GPC6: variants seen among roughly 807,000 people sequenced by gnomAD.
The protein encoded by GPC6 is glypican 6, also known as glypican-6.
A neutral mutation model predicts 55.2 loss-of-function variants in GPC6; 14 were observed. The ratio of observed to expected loss-of-function variants is 0.25; its 90% CI spans 0.17 to 0.40. GPC6 has a LOEUF of 0.40. GPC6 is among the 10% of genes least tolerant of loss of function. The probability of loss-of-function intolerance (pLI) is 1.00; values close to 1 mark genes in which losing one functional copy is unlikely to be tolerated. For missense variants in GPC6, 641 were observed against 708.5 expected (o/e 0.90, Z 1.08); for synonymous variants, 278 against 259.6 (o/e 1.07, Z -0.68).
intron 3 of GPC6, among the ~76,000 whole-genome samples, chr13:93,880,773 AAG>A (rs1874916814): frequency 6.6e-6 from 1 of 152,090 alleles, no homozygotes; most frequent in African/African-American, 2.4e-5. Flanking sequence ...GCTGACTAAT[AAG>A]AGAAAAGGTG....
chr13:93,568,351 C>A (rs1876240166), intron 2 of GPC6, among the ~76,000 whole-genome samples: 1 of 152,118 alleles, frequency 6.6e-6, no homozygotes, highest in African/African-American at 2.4e-5. Context: ...CTCTCGGTCC[C>A]ACAAAACTTT....
At chr13:93,741,242 G>T (rs1166581620) in intron 2 of GPC6, among the ~76,000 whole-genome samples, 1 of 149,074 alleles carries the variant, frequency 6.7e-6, no homozygotes, top group African/African-American at 2.5e-5. Context: ...AGCCTCCCGA[G>T]TAGCTGGGAC....
At chr13:93,820,508 T>C (rs1161096162) in intron 2 of GPC6, among the ~76,000 whole-genome samples, 2 of 152,080 alleles carry the variant, frequency 1.3e-5, no homozygotes, top group Non-Finnish European at 2.9e-5. Flanking sequence ...TTCTCCTTGT[T>C]TTGTGATGAA....
rs535526266 is a variant in GPC6 at position 94,326,204 on chromosome 13, T to TGC, written c.1152+20082_1152+20083dup. On this transcript the variant is annotated intron_variant, in intron 6 of 8. Coordinates refer to ENST00000377047, the MANE Select transcript of GPC6 (RefSeq NM_005708.5). ...AGATCAGGTATTTTTGGTATGCTTG[T>TGC]GCACACACACACACACACACACACA... 1.5e-3 allele frequency among the ~76,000 whole-genome samples: 119 copies of TGC among 81,628 alleles called. No homozygotes were observed. In the South Asian group the frequency reaches 0.043, roughly 29 times the overall value. 53.6% of individuals were successfully genotyped at this position (81,628 alleles called of 152,430 possible). A position where few individuals can be genotyped will look rare whatever the true frequency, so the allele number is the denominator to read the frequency against.
At chr13:94,185,362 A>G (rs537524143) in intron 4 of GPC6, among the ~76,000 whole-genome samples, 1 of 152,176 alleles carries the variant, frequency 6.6e-6, no homozygotes, top group East Asian at 1.9e-4. Flanking sequence ...TTTAGGTATC[A>G]TCCTTTCATT....
At chr13:94,274,124 A>C (rs112155649) in intron 4 of GPC6, among the ~76,000 whole-genome samples, 13 of 152,226 alleles carry the variant, frequency 8.5e-5, no homozygotes, top group Non-Finnish European at 1.9e-4. Context: ...CATTCTCCTA[A>C]AAAGAAGCCA....
chr13:93,616,112 A>G (rs16949040), intron 2 of GPC6, among the ~76,000 whole-genome samples: 2,857 of 152,152 alleles, frequency 0.019, 95 homozygotes, highest in African/African-American at 0.065. Flanking sequence ...AGTCTGTCCT[A>G]CTTTCACTGT....
intron 1 of GPC6, among the ~76,000 whole-genome samples, chr13:93,490,581 C>T (rs1191331762): frequency 2.4e-5 from 3 of 123,908 alleles, no homozygotes; most frequent in Non-Finnish European, 4.8e-5. Flanking sequence ...AGGTTAGTTA[C>T]ATATGTATAC....
chr13:94,113,973 C>A (rs1237352572), intron 4 of GPC6, among the ~76,000 whole-genome samples: 2 of 146,132 alleles, frequency 1.4e-5, no homozygotes, highest in Non-Finnish European at 3.0e-5. Flanking sequence ...AGTGAGATCT[C>A]GCCACTGCAC....
At position 94,175,986 on chromosome 13, in the gene GPC6, A is replaced by T. The variant is rs7324635; in HGVS notation, c.878-110363A>T. Among the ~76,000 whole-genome samples the T allele has an allele frequency of 3.8e-5, 5 of 131,232 alleles. No individual in the cohort carries two copies. The South Asian group carries it at 1.0e-3, about 27-fold the overall frequency. 86.1% of individuals were successfully genotyped at this position (131,232 alleles called of 152,430 possible). A position where few individuals can be genotyped will look rare whatever the true frequency, so the allele number is the denominator to read the frequency against. ...GAGAGAGAGAGAGAGAGAGAGAGAG[A>T]GAGAGAGCGAGCTTGTCCAATGGAG... On this transcript the variant is annotated intron_variant, in intron 4 of 8. Transcript: ENST00000377047.
chr13:93,380,274 G>A (rs1386248955), intron 1 of GPC6, among the ~76,000 whole-genome samples: 1 of 152,082 alleles, frequency 6.6e-6, no homozygotes, highest in East Asian at 1.9e-4. Flanking sequence ...AATTTGATGG[G>A]TACCTAGATA....
At chr13:93,597,863 G>A (rs1223625475) in intron 2 of GPC6, among the ~76,000 whole-genome samples, 3 of 151,998 alleles carry the variant, frequency 2.0e-5, no homozygotes, top group Admixed American at 2.0e-4. Flanking sequence ...AGTTATATGT[G>A]GGCTGGGCGC....
At chr13:93,928,248 A>G (rs1377732166) in intron 3 of GPC6, among the ~76,000 whole-genome samples, 2 of 152,212 alleles carry the variant, frequency 1.3e-5, no homozygotes, top group Admixed American at 1.3e-4. Context: ...GTATTGTAAA[A>G]TAAAATGTTA....
intron 3 of GPC6, among the ~76,000 whole-genome samples, chr13:94,020,736 C>T (rs1882663513): frequency 6.6e-6 from 1 of 152,128 alleles, no homozygotes; most frequent in African/African-American, 2.4e-5. Flanking sequence ...CCTCAAATGA[C>T]TGAACATGAA....
intron 4 of GPC6, among the ~76,000 whole-genome samples, chr13:94,222,576 C>T (rs913022726): frequency 2.0e-5 from 3 of 152,066 alleles, no homozygotes; most frequent in African/African-American, 7.2e-5. Flanking sequence ...ATTGGAAGGG[C>T]AGCTCCCTGG....
intron 4 of GPC6, among the ~76,000 whole-genome samples, chr13:94,131,815 G>T (rs1323840225): frequency 2.6e-5 from 4 of 152,210 alleles, no homozygotes; most frequent in Non-Finnish European, 5.9e-5. Context: ...CAAATGGTGG[G>T]CCTAAGGATG....
intron 1 of GPC6, among the ~76,000 whole-genome samples, chr13:93,231,407 A>ATATATG (rs1876048435): frequency 1.3e-4 from 5 of 39,436 alleles, no homozygotes; most frequent in Admixed American, 3.4e-4. Context: ...GTATATATAT[A>ATATATG]TATATATATA....
At chr13:93,321,891 G>T (rs548484016) in intron 1 of GPC6, among the ~76,000 whole-genome samples, 72 of 152,164 alleles carry the variant, frequency 4.7e-4, no homozygotes, top group African/African-American at 1.6e-3. Context: ...CTTTCTGGTG[G>T]GGTTACATCT....
intron 2 of GPC6, among the ~76,000 whole-genome samples, chr13:93,663,604 G>A (rs978623786): frequency 2.0e-5 from 3 of 152,094 alleles, no homozygotes; most frequent in Non-Finnish European, 4.4e-5. Flanking sequence ...TGCAATAATA[G>A]CAGTTGCTTT....
Sources: allele counts gnomAD v4.1 joint callset (sites outside exome capture counted in the v4.1 genomes callset), GRCh38; gene constraint gnomAD v4.1.1; transcripts MANE v1.5; gene names NCBI Gene and HGNC (gene_info 2026-07-23, HGNC 2026-07-21).